HPGD: variants seen among roughly 807,000 people sequenced by gnomAD.
HPGD encodes the protein 15-hydroxyprostaglandin dehydrogenase, also known as 15-hydroxyprostaglandin dehydrogenase [NAD(+)].
Under a neutral mutation model 30.0 loss-of-function variants are expected in HPGD, and 29 were observed. The ratio of observed to expected loss-of-function variants is 0.97; its 90% confidence interval spans 0.72 to 1.32. The LOEUF (loss-of-function observed/expected upper bound fraction) is 1.32. HPGD is among the 40% of genes most tolerant of loss of function. HPGD has a pLI of 0.00. For synonymous variants in HPGD, 99 were observed against 112.4 expected (o/e 0.88, Z 0.75); for missense variants, 340 against 322.1 (o/e 1.06, Z -0.43).
In HPGD at chr4:174,491,082, A is replaced by T. The variant is rs1033318923; in HGVS notation, c.*874T>A. 1 of 152,718 alleles carries T rather than the reference A, an allele frequency of 6.5e-6. No homozygotes were observed. Among genetic ancestry groups the T allele is most frequent in the African/African-American group, 2.4e-5 (1 of 41,460 alleles). 9.5% of individuals were successfully genotyped at this position (152,718 alleles called of 1,614,324 possible). A position where few individuals can be genotyped will look rare whatever the true frequency, so the allele number is the denominator to read the frequency against. On this transcript the variant is annotated 3_prime_UTR_variant, in exon 7 of 7. Coordinates refer to ENST00000296522, the MANE Select transcript of HPGD (RefSeq NM_000860.6). Reference sequence around the variant, plus strand: ...GAAGACTAAGTAATTTATGGAGATCAGAATAAAAAAGTTTTATTGAAGGGT... The same window carrying T: ...GAAGACTAAGTAATTTATGGAGATCTGAATAAAAAAGTTTTATTGAAGGGT...
At chr4:174,497,256 A>C (rs1734643526) in intron 4 of HPGD, among the ~76,000 whole-genome samples, 1 of 152,242 alleles carries the variant, frequency 6.6e-6, no homozygotes, top group African/African-American at 2.4e-5. Flanking sequence ...AAGAGTTGTC[A>C]AAGATGAATT....
chr4:174,497,568 C>CCTTTTTTT (rs1560976894), intron 4 of HPGD, among the ~76,000 whole-genome samples: 1 of 51,114 alleles, frequency 2.0e-5, no homozygotes, highest in Non-Finnish European at 4.1e-5. Context: ...CTTTTTCTTT[C>CCTTTTTTT]TTTTTTTTTT....
intron 2 of HPGD, among the ~76,000 whole-genome samples, chr4:174,521,204 T>C (rs1324729405): frequency 6.7e-6 from 1 of 150,204 alleles, no homozygotes; most frequent in Non-Finnish European, 1.5e-5. Context: ...TGGGGCACTC[T>C]CAAGTTCTCC....
chr4:174,503,801 C>A (rs1204812569), intron 4 of HPGD, among the ~76,000 whole-genome samples: 1 of 151,826 alleles, frequency 6.6e-6, no homozygotes. Flanking sequence ...TAGCTCACTG[C>A]AGCTTTGAAC....
chr4:174,510,936 T>C (rs1314533168), intron 3 of HPGD, among the ~76,000 whole-genome samples: 2 of 152,126 alleles, frequency 1.3e-5, no homozygotes, highest in Non-Finnish European at 2.9e-5. Context: ...CCACCGTGCC[T>C]GGCCAGAAAA....
intron 4 of HPGD, among the ~76,000 whole-genome samples, chr4:174,502,096 T>C (rs1164269159): frequency 6.6e-6 from 1 of 152,178 alleles, no homozygotes; most frequent in South Asian, 2.1e-4. Flanking sequence ...GTAACTACGC[T>C]AAAAAAGCAG....
intron 2 of HPGD, among the ~76,000 whole-genome samples, chr4:174,519,810 C>T (rs2110879688): frequency 6.6e-6 from 1 of 152,226 alleles, no homozygotes; most frequent in South Asian, 2.1e-4. Flanking sequence ...CCAGCCTGCA[C>T]CCAGGTGAAA....
At chr4:174,507,505 C>T (rs970011824) in intron 4 of HPGD, 16 of 152,156 alleles carry the variant, frequency 1.1e-4, no homozygotes, top group Admixed American at 1.0e-3. Context: ...ACCTCCAAAC[C>T]CAACTTCCCA....
At chr4:174,516,821 C>T (rs1467358237) in intron 3 of HPGD, among the ~76,000 whole-genome samples, 1 of 152,112 alleles carries the variant, frequency 6.6e-6, no homozygotes, top group Non-Finnish European at 1.5e-5. Context: ...GTTATTATAG[C>T]AGTTAGGTAA....
intron 4 of HPGD, among the ~76,000 whole-genome samples, chr4:174,502,656 C>A (rs1220578359): frequency 4.1e-5 from 5 of 121,990 alleles, no homozygotes; most frequent in South Asian, 2.5e-4. Flanking sequence ...CCAGCCTGGG[C>A]GACAGAGCGA....
chr4:174,495,503 T>G, intron 5 of HPGD, 45 bp downstream of exon 5: 2 of 1,379,962 alleles, frequency 1.4e-6, no homozygotes, highest in South Asian at 1.2e-5. Flanking sequence ...GTTTTATAAA[T>G]GTGTACAAAG....
At chr4:174,493,349 C>T (rs543918539) in intron 5 of HPGD, 35 bp from the exon 6 acceptor site, 5 of 1,604,450 alleles carry the variant, frequency 3.1e-6, no homozygotes, top group African/African-American at 1.3e-5. Flanking sequence ...TCAGCAGTTT[C>T]ATAAACATAT....
chr4:174,490,231 C>T lies in HPGD; in HGVS notation c.*1725G>A, dbSNP rs2555660. The T allele has an allele frequency of 0.78, 119,022 of 151,718 alleles. 46,869 individuals carry two copies. The highest frequency in any genetic ancestry group is 0.82 in the East Asian group (4,320 of 5,282). The allele number at this position is 151,718 out of a possible 1,614,324, so 9.4% of individuals were successfully genotyped here. On this transcript the variant is annotated 3_prime_UTR_variant, in exon 7 of 7. Coordinates refer to ENST00000296522, the MANE Select transcript of HPGD (RefSeq NM_000860.6). The surrounding 1 kb of genome is among the most constrained non-coding windows in gnomAD (Gnocchi z 4.4). The stretch of plus-strand genomic sequence containing the variant: ...TCTCAATCAGTATACACCAGAGATG[C>T]CATATAACCATATGAATTTATTTAG...
intron 6 of HPGD, 90 bp downstream of exon 6, chr4:174,493,061 C>A: frequency 8.4e-7 from 1 of 1,194,454 alleles, no homozygotes; most frequent in Non-Finnish European, 1.2e-6. Flanking sequence ...CATTTCTCAA[C>A]TGTATAAGCT....
chr4:174,521,276 A>G (rs1736101332), intron 2 of HPGD, among the ~76,000 whole-genome samples: 2 of 152,190 alleles, frequency 1.3e-5, no homozygotes, highest in South Asian at 2.1e-4. Context: ...GTGTATGCCA[A>G]TATTGTCCCT....
intron 3 of HPGD, among the ~76,000 whole-genome samples, chr4:174,511,735 CT>C (rs1265218369): frequency 2.0e-5 from 3 of 152,192 alleles, no homozygotes; most frequent in Admixed American, 1.3e-4. Context: ...CAAGCTCCGC[CT>C]CCCGGGTTCA....
At chr4:174,521,824 A>G (rs1736140489) in intron 2 of HPGD, 120 bp downstream of exon 2, 4 of 1,143,188 alleles carry the variant, frequency 3.5e-6, no homozygotes, top group South Asian at 1.2e-5. Flanking sequence ...TGGAGCTTCA[A>G]GGTAGCTGCT....
chr4:174,513,369 A>T (rs3797012), intron 3 of HPGD, among the ~76,000 whole-genome samples: 1 of 152,046 alleles, frequency 6.6e-6, no homozygotes, highest in African/African-American at 2.4e-5. Flanking sequence ...TATTTTCAAA[A>T]TTTTTGTTTT....
At position 174,522,201 on chromosome 4, in the gene HPGD, T is replaced by G. The variant is rs201381430; in HGVS notation, c.94-134A>C. 307 of 1,454,992 alleles carry G rather than the reference T, an allele frequency of 2.1e-4. 1 individual carries two copies. In the East Asian group the frequency reaches 2.2e-3, roughly 10 times the overall value. 90.1% of individuals were successfully genotyped at this position (1,454,992 alleles called of 1,614,324 possible). A position where few individuals can be genotyped will look rare whatever the true frequency, so the allele number is the denominator to read the frequency against. ...GTTTGGGTTCCCTCCCAGCCACTTC[T>G]GAGGTGTGCTCACAGCCTCAGCTTC... On this transcript the variant is annotated intron_variant, in intron 1 of 6. Coordinates refer to ENST00000296522, the MANE Select transcript of HPGD (RefSeq NM_000860.6).
Sources: gnomAD v4.1 joint callset for allele counts (sites outside exome capture counted in the v4.1 genomes callset) on GRCh38, gnomAD v4.1.1 for gene constraint, Gnocchi (gnomAD v3.1) non-coding constraint, MANE v1.5 for transcripts, NCBI Gene and HGNC (gene_info 2026-07-23, HGNC 2026-07-21) for gene names.